Variants in ABCA12 observed in about 807,000 individuals in gnomAD.
ABCA12 encodes the protein glucosylceramide transporter ABCA12.
In ABCA12, 156 loss-of-function variants were observed where a neutral mutation model predicts 293.5. The observed-to-expected ratio is 0.53, with a 90% CI of 0.47 to 0.61. ABCA12 has a LOEUF of 0.61. Among genes scored for constraint, ABCA12 ranks in the 20% least tolerant of loss-of-function variants. The pLI, the probability that ABCA12 is intolerant of heterozygous loss-of-function variation, is 0.00. For synonymous variants in ABCA12, 1,063 were observed against 1,108.0 expected (o/e 0.96, Z 0.81); for missense variants, 2,797 against 3,090.2 (o/e 0.91, Z 2.25).
At position 215,070,064 on chromosome 2, in the gene ABCA12, A is replaced by G. The variant is rs531717340; in HGVS notation, c.164-5845T>C. ...TTTATCGTTTGTAGGACAAAGATTC[A>G]AATTGTATTCCAATGTTATAGTAAG... On this transcript the variant is annotated intron_variant, in intron 2 of 52. Transcript: ENST00000272895. Among the ~76,000 whole-genome samples the G allele has an allele frequency of 2.4e-4, 36 of 152,356 alleles. No individual in the cohort carries two copies. The East Asian group carries it at 6.2e-3, about 26-fold the overall frequency.
intron 38 of ABCA12, among the ~76,000 whole-genome samples, chr2:214,968,290 T>C (rs1341780652): frequency 6.6e-6 from 1 of 152,068 alleles, no homozygotes; most frequent in Non-Finnish European, 1.5e-5. Context: ...CTATAAACTC[T>C]CAAAGTTTAC....
At chr2:215,030,349 C>CTT (rs1700845076) in intron 9 of ABCA12, 1 of 151,842 alleles carries the variant, frequency 6.6e-6, no homozygotes, top group Non-Finnish European at 1.5e-5. Flanking sequence ...GATCCTAGCA[C>CTT]TTTGAGAGGC....
intron 28 of ABCA12, 65 bp from the exon 29 acceptor site, chr2:214,983,930 T>A: frequency 1.4e-6 from 2 of 1,411,874 alleles, no homozygotes; most frequent in Non-Finnish European, 2.0e-6. Flanking sequence ...TAGGAATAAC[T>A]ATATCTCAGT....
chr2:214,941,586 G>A (rs1698403514), intron 50 of ABCA12, among the ~76,000 whole-genome samples: 1 of 151,882 alleles, frequency 6.6e-6, no homozygotes, highest in African/African-American at 2.4e-5. Flanking sequence ...GGGAGTTTAA[G>A]TCTCTTTGTT....
Position 215,049,710 on chromosome 2 carries a change from T to C in ABCA12, c.609A>G (p.Gly203=), listed in dbSNP as rs1701279359. 42 of 1,613,568 alleles carry C rather than the reference T, an allele frequency of 2.6e-5. No homozygotes were observed. The highest frequency in any genetic ancestry group is 3.5e-5 in the Non-Finnish European group (41 of 1,179,768). ...GGCAAAATTTGTTAAAAACATTTCTTCCTAGAAAGGTCCAAGAGAAGGCAT... is the reference window on the plus strand; with the variant it reads ...GGCAAAATTTGTTAAAAACATTTCTCCCTAGAAAGGTCCAAGAGAAGGCAT... The part of the protein sequence containing the change: ...VDDAFSWTFL[G]RNVFNKFCLS... The change falls in exon 6 of 53, where the codon GGA becomes GGG. Residue 203 remains glycine, a synonymous_variant. Coordinates refer to ENST00000272895, the MANE Select transcript of ABCA12 (RefSeq NM_173076.3).
At chr2:214,943,640 A>G (rs1698481628) in intron 49 of ABCA12, among the ~76,000 whole-genome samples, 2 of 152,176 alleles carry the variant, frequency 1.3e-5, no homozygotes, top group African/African-American at 4.8e-5. Context: ...CAAGACCTAC[A>G]CTTCCTTAGA....
At chr2:215,052,615 CCACA>C in intron 4 of ABCA12, 31 bp from the exon 5 acceptor site, 14 of 1,497,430 alleles carry the variant, frequency 9.3e-6, no homozygotes, top group Non-Finnish European at 1.2e-5. Context: ...GATTAGCATT[CCACA>C]CACACACACA....
At chr2:215,016,301 T>A (rs919692254) in intron 14 of ABCA12, among the ~76,000 whole-genome samples, 6 of 147,382 alleles carry the variant, frequency 4.1e-5, no homozygotes. Flanking sequence ...CTTTGCTCCC[T>A]GGCTGGGCGC....
chr2:214,996,711 C>T (rs557218099), intron 23 of ABCA12, among the ~76,000 whole-genome samples: 11 of 152,260 alleles, frequency 7.2e-5, no homozygotes, highest in African/African-American at 2.2e-4. Flanking sequence ...AGTTCAAATA[C>T]GGGGACAACC....
chr2:214,937,738 C>A, intron 50 of ABCA12, 123 bp from the exon 51 acceptor site: 1 of 712,522 alleles, frequency 1.4e-6, no homozygotes, highest in South Asian at 1.6e-5. Flanking sequence ...TATATGAAGA[C>A]TATCATTTTG....
At chr2:215,025,330 C>A in intron 11 of ABCA12, 1 of 247,482 alleles carries the variant, frequency 4.0e-6, no homozygotes, top group Non-Finnish European at 7.8e-6. Flanking sequence ...CAGGGTCTCA[C>A]ACTGTCACTT....
Position 215,000,954 on chromosome 2 carries a change from A to G in ABCA12, c.2930T>C (p.Leu977Pro). 6.2e-7 allele frequency: 1 copy of G among 1,614,028 alleles called. No homozygotes were observed. The highest frequency in any genetic ancestry group is 8.5e-7 in the Non-Finnish European group (1 of 1,179,958). ...GATGGTATATTTTATGACAGGAGGAAGAAAGACATTTCCAGAGTCATAGCC... is the reference window on the plus strand; with the variant it reads ...GATGGTATATTTTATGACAGGAGGAGGAAAGACATTTCCAGAGTCATAGCC... ...HRGYDSGNVF[L>P]PPVIKYTIRM... Residue 977 changes from leucine (L) to proline (P), a missense_variant, in exon 22 of 53, where the codon CTT (leucine) becomes CCT (proline). Coordinates refer to ENST00000272895, the MANE Select transcript of ABCA12 (RefSeq NM_173076.3).
At position 214,968,700 on chromosome 2, in the gene ABCA12, G is replaced by A. The variant is rs1559120552; in HGVS notation, c.5778+20C>T. ...ACCTTCTCATTTGTATAACATTCCA[G>A]AAAAAAGATCAAAATTTACCTTGGC... is the stretch of plus-strand genomic sequence containing the variant. On this transcript the variant is annotated intron_variant, in intron 38 of 52. Transcript: ENST00000272895. 1.9e-6 allele frequency: 3 copies of A among 1,608,726 alleles called. No individual in the cohort carries two copies. The highest frequency in any genetic ancestry group is 2.6e-6 in the Non-Finnish European group (3 of 1,175,448).
chr2:215,065,455 G>A (rs910765947), intron 2 of ABCA12, among the ~76,000 whole-genome samples: 1 of 151,798 alleles, frequency 6.6e-6, no homozygotes, highest in African/African-American at 2.4e-5. Flanking sequence ...GAATAAATAG[G>A]TATTTGATTC....
At chr2:215,017,799 T>G in intron 14 of ABCA12, 1 of 616,224 alleles carries the variant, frequency 1.6e-6, no homozygotes, top group Admixed American at 3.0e-5. Context: ...CAAGGAAAAA[T>G]AAAGAGAAAA....
At chr2:214,990,288 T>C (rs1329287934) in intron 24 of ABCA12, among the ~76,000 whole-genome samples, 1 of 152,212 alleles carries the variant, frequency 6.6e-6, no homozygotes, top group African/African-American at 2.4e-5. Context: ...TATATGCTGT[T>C]GGTGCATTTG....
chr2:214,980,079 G>C (rs543235271), intron 31 of ABCA12, among the ~76,000 whole-genome samples: 1 of 152,260 alleles, frequency 6.6e-6, no homozygotes, highest in Non-Finnish European at 1.5e-5. Context: ...TGATAAAGCA[G>C]AAAATTGAAT....
intron 31 of ABCA12, among the ~76,000 whole-genome samples, chr2:214,979,292 T>G (rs1342442056): frequency 2.6e-5 from 4 of 152,032 alleles, no homozygotes; most frequent in Non-Finnish European, 5.9e-5. Flanking sequence ...CAGTCTCTTT[T>G]CTGTTGCTAG....
intron 32 of ABCA12, 68 bp from the exon 33 acceptor site, chr2:214,978,534 C>T: frequency 6.4e-7 from 1 of 1,558,110 alleles, no homozygotes; most frequent in Non-Finnish European, 8.8e-7. Flanking sequence ...TCTAAGCTTA[C>T]CTTTGATTTT....
Sources: allele counts gnomAD v4.1 joint callset (sites outside exome capture counted in the v4.1 genomes callset), GRCh38; gene constraint gnomAD v4.1.1; transcripts MANE v1.5; gene names NCBI Gene and HGNC (gene_info 2026-07-23, HGNC 2026-07-21).